Variants in DNAH9 observed in about 807,000 individuals in gnomAD.
DNAH9 encodes dynein axonemal heavy chain 9, also known as DNAH9 variant protein.
A neutral mutation model predicts 471.6 loss-of-function variants in DNAH9; 345 were observed. The observed-to-expected ratio is 0.73, with a 90% CI of 0.67 to 0.80. The LOEUF (loss-of-function observed/expected upper bound fraction) is 0.80, where lower values mean the gene tolerates loss of function less well. Ranked by LOEUF, DNAH9 falls within the 30% of genes least tolerant of loss-of-function variation. The pLI is 0.00. For missense variants in DNAH9, 5,407 were observed against 5,609.2 expected (o/e 0.96, Z 1.15); for synonymous variants, 2,093 against 2,123.6 (o/e 0.99, Z 0.40).
chr17:11,811,317 TA>T (rs1208867924), intron 45 of DNAH9, among the ~76,000 whole-genome samples: 389 of 140,428 alleles, frequency 2.8e-3, no homozygotes, highest in Middle Eastern at 3.6e-3. Context: ...CGTCTCAATT[TA>T]AAAAAAAAAA....
At chr17:11,756,525 C>T in intron 33 of DNAH9, 43 bp from the exon 34 acceptor site, 1 of 1,157,090 alleles carries the variant, frequency 8.6e-7, no homozygotes, top group Non-Finnish European at 1.3e-6. Flanking sequence ...GGCAAGGCAC[C>T]TCCCTCCTTC....
Position 11,690,064 on chromosome 17 carries a change from C to T in DNAH9, c.4242C>T (p.His1414=). ...TLAHLLQLQL[H]HYEDEVRGIV... is the part of the protein sequence containing the mutation. ...CGCACCTGCTGCAGCTCCAGCTGCA[C>T]CACTATGAGGATGAGGTCCGGGGCA... Residue 1414 remains histidine (H), a synonymous_variant, in exon 20 of 69, where the codon CAC becomes CAT. Coordinates refer to ENST00000262442, the MANE Select transcript of DNAH9 (RefSeq NM_001372.4). 1 of 1,614,154 alleles carries T rather than the reference C, an allele frequency of 6.2e-7. No homozygotes were observed.
At chr17:11,804,087 G>A (rs1969568336) in intron 43 of DNAH9, among the ~76,000 whole-genome samples, 1 of 152,224 alleles carries the variant, frequency 6.6e-6, no homozygotes, top group Non-Finnish European at 1.5e-5. Flanking sequence ...TGCTGTCACT[G>A]CAGAGAATAC....
At chr17:11,821,051 G>T (rs1422035803) in intron 45 of DNAH9, among the ~76,000 whole-genome samples, 1 of 152,162 alleles carries the variant, frequency 6.6e-6, no homozygotes, top group Admixed American at 6.5e-5. Context: ...GGAGGCCGAG[G>T]CGGGTGGATC....
intron 6 of DNAH9, among the ~76,000 whole-genome samples, chr17:11,628,990 C>T (rs952802492): frequency 6.6e-6 from 1 of 152,076 alleles, no homozygotes; most frequent in Non-Finnish European, 1.5e-5. Context: ...GGTTATGAAA[C>T]TAATCAGGCT....
chr17:11,957,955 C>T (rs996699258), intron 67 of DNAH9, among the ~76,000 whole-genome samples: 1 of 152,136 alleles, frequency 6.6e-6, no homozygotes, highest in African/African-American at 2.4e-5. Context: ...AATCACCATA[C>T]AAAACCTGCA....
intron 35 of DNAH9, among the ~76,000 whole-genome samples, chr17:11,761,930 G>A (rs1006948360): frequency 6.6e-6 from 1 of 152,082 alleles, no homozygotes; most frequent in Non-Finnish European, 1.5e-5. Flanking sequence ...CCCTCTGCGA[G>A]TCCCACCTAA....
intron 9 of DNAH9, among the ~76,000 whole-genome samples, chr17:11,638,176 G>C (rs2150681989): frequency 6.6e-6 from 1 of 152,252 alleles, no homozygotes; most frequent in East Asian, 1.9e-4. Flanking sequence ...TGCTCTGCTT[G>C]CAAGTAGGTT....
intron 35 of DNAH9, among the ~76,000 whole-genome samples, chr17:11,762,872 C>T (rs892368961): frequency 4.0e-5 from 6 of 150,000 alleles, no homozygotes; most frequent in Non-Finnish European, 8.9e-5. Context: ...CTCCGCCTCC[C>T]GGGTTCACGC....
At position 11,617,566 on chromosome 17, in the gene DNAH9, T is replaced by C. The variant is rs766487288; in HGVS notation, c.1060T>C (p.Ser354Pro). Residue 354 changes from serine to proline, a missense_variant, in exon 5 of 69, where the codon TCC becomes CCC. Physicochemically the swap from Ser to Pro is moderately conservative, Grantham distance 74. Around this residue, in one of 3 missense-constraint regions of DNAH9, gnomAD observed 767 missense variants for 692.5 expected, o/e 1.11. Coordinates refer to ENST00000262442, the MANE Select transcript of DNAH9 (RefSeq NM_001372.4). ...LIWATCKSYR[S>P]PGRLTVLLQE... ...TTGGGCCACATGCAAGTCCTACCGC[T>C]CCCCGGGAAGGCTGACTGTGCTGCT... is the stretch of plus-strand genomic sequence containing the variant. The C allele has an allele frequency of 1.2e-6, 2 of 1,613,916 alleles. No individual in the cohort carries two copies. The highest frequency in any genetic ancestry group is 1.7e-6 in the Non-Finnish European group (2 of 1,180,014).
chr17:11,616,600 G>A (rs1315502462), intron 4 of DNAH9, among the ~76,000 whole-genome samples: 2 of 152,192 alleles, frequency 1.3e-5, no homozygotes, highest in Non-Finnish European at 2.9e-5. Context: ...GTATTCAGAG[G>A]AGATGGTAAG....
chr17:11,656,675 C>T (rs562795612), intron 14 of DNAH9, among the ~76,000 whole-genome samples: 19 of 152,238 alleles, frequency 1.2e-4, no homozygotes, highest in African/African-American at 4.1e-4. Flanking sequence ...CAAATGTATA[C>T]ACTCAGGTAA....
rs890682806 is a variant in DNAH9, at chr17:11,623,306, T to C, written c.1350+3525T>C. ...CTTTTCTTGACTGTGTTTCCCTCTC[T>C]TTCCCTTTGTCTAATTCTTCCTCCC... On this transcript the variant is annotated intron_variant, in intron 6 of 68. Coordinates refer to ENST00000262442, the MANE Select transcript of DNAH9 (RefSeq NM_001372.4). This position sits in a 1 kb window ranked among gnomAD's most constrained non-coding sequence, Gnocchi z 4.1. Among the ~76,000 whole-genome samples, 4 of 151,982 alleles carry C rather than the reference T, an allele frequency of 2.6e-5. No homozygotes were observed. Among genetic ancestry groups the C allele is most frequent in the Non-Finnish European group, 5.9e-5 (4 of 67,988 alleles).
intron 11 of DNAH9, among the ~76,000 whole-genome samples, chr17:11,646,644 T>G (rs1388313177): frequency 6.6e-6 from 1 of 152,150 alleles, no homozygotes; most frequent in South Asian, 2.1e-4. Flanking sequence ...CCGGGTGCAG[T>G]GGCTCAAGCG....
chr17:11,713,526 A>G (rs1405488224), intron 26 of DNAH9, among the ~76,000 whole-genome samples: 2 of 152,144 alleles, frequency 1.3e-5, no homozygotes, highest in Non-Finnish European at 2.9e-5. Flanking sequence ...CCAAGAGTGT[A>G]TAAGTGTTCC....
intron 5 of DNAH9, 114 bp from the exon 6 acceptor site, chr17:11,619,434 C>T (rs897683259): frequency 2.0e-5 from 14 of 708,152 alleles, no homozygotes; most frequent in South Asian, 6.9e-5. Flanking sequence ...CAGATGTTTC[C>T]TCTATTATCC....
At chr17:11,885,996 C>T (rs1396238800) in intron 56 of DNAH9, among the ~76,000 whole-genome samples, 1 of 152,012 alleles carries the variant, frequency 6.6e-6, no homozygotes, top group African/African-American at 2.4e-5. Flanking sequence ...TCTTCCTGAT[C>T]CTGAGGTCTC....
intron 44 of DNAH9, 139 bp downstream of exon 44, chr17:11,808,033 G>C: frequency 9.5e-7 from 1 of 1,048,176 alleles, no homozygotes. Context: ...TTAGGTTCTG[G>C]GCTGGTGATG....
rs1305606755 is a variant in DNAH9, at chr17:11,902,924, G to A, written c.11600+12G>A. 4 of 1,609,840 alleles carry A rather than the reference G, an allele frequency of 2.5e-6. No individual in the cohort carries two copies. Among genetic ancestry groups the A allele is most frequent in the South Asian group, 2.2e-5 (2 of 90,768 alleles). ...ACCTATGCTTTGCGGTAGGAAACAG[G>A]GTGGTGGAAGGCCCAGCATAGGCAT... On this transcript the variant is annotated intron_variant, in intron 60 of 68. Transcript: ENST00000262442.
Sources: allele counts gnomAD v4.1 joint callset (sites outside exome capture counted in the v4.1 genomes callset), GRCh38; gene constraint gnomAD v4.1.1; regional missense constraint gnomAD v4.1.1; non-coding constraint Gnocchi (gnomAD v3.1); transcripts MANE v1.5; gene names NCBI Gene and HGNC (gene_info 2026-07-23, HGNC 2026-07-21).